Variants in IGSF10 observed in about 807,000 individuals in gnomAD.
IGSF10 encodes the protein immunoglobulin superfamily member 10.
Under a neutral mutation model 128.2 loss-of-function variants are expected in IGSF10, and 126 were observed. The observed-to-expected ratio is 0.98, with a 90% confidence interval of 0.85 to 1.14. The LOEUF (loss-of-function observed/expected upper bound fraction) is 1.14, where lower values mean the gene tolerates loss of function less well. Ranked by LOEUF, IGSF10 falls within the 50% of genes most tolerant of loss-of-function variation. The pLI, the probability that IGSF10 is intolerant of heterozygous loss-of-function variation, is 0.00. For missense variants in IGSF10, 3,295 were observed against 3,149.8 expected (o/e 1.05, Z -1.10); for synonymous variants, 1,185 against 1,146.2 (o/e 1.03, Z -0.68).
At chr3:151,615,596 C>A in the IGSF10 span, among the ~76,000 whole-genome samples, 1 of 151,824 alleles carries the variant, frequency 6.6e-6, no homozygotes, top group African/African-American at 2.4e-5. Context: ...CCTAACAGTG[C>A]GGAAGTAGGA....
chr3:151,438,929 A>T (rs547412730), intron 7 of IGSF10, among the ~76,000 whole-genome samples: 83 of 151,986 alleles, frequency 5.5e-4, no homozygotes, highest in Non-Finnish European at 1.1e-3. Context: ...CTGTTTTTGT[A>T]TGTGTGATTA....
chr3:151,467,688 T>G, the IGSF10 span, among the ~76,000 whole-genome samples: 1 of 151,984 alleles, frequency 6.6e-6, no homozygotes, highest in Non-Finnish European at 1.5e-5. Flanking sequence ...ATCGAGACCG[T>G]CCTGGCTAAC....
In IGSF10 at chr3:151,447,345, G is replaced by C; in HGVS notation, c.2636C>G (p.Ser879Ter). 6.2e-7 allele frequency: 1 copy of C among 1,614,174 alleles called. No individual in the cohort carries two copies. ...ATTGGTTGTGCCTTGTATTTGGCTT[G>C]ACATGGTTGGGTTTATATTCTTTGA... ...AMSKNINPTM[S>*]SQIQGTTNQH... Residue 879 changes from serine (S) to a stop codon, truncating the protein, a stop_gained, in exon 6 of 8, where the codon TCA becomes TGA. Coordinates refer to ENST00000282466, the MANE Select transcript of IGSF10 (RefSeq NM_178822.5). LOFTEE classifies it high-confidence loss of function.
chr3:151,493,067 C>G, the IGSF10 span, among the ~76,000 whole-genome samples: 10 of 151,826 alleles, frequency 6.6e-5, no homozygotes, highest in East Asian at 1.6e-3. Flanking sequence ...GACCCAGGAA[C>G]AGAAACAAAA....
downstream of IGSF10, chr3:151,433,224 A>C (rs1204200747): frequency 6.5e-6 from 1 of 154,706 alleles, no homozygotes; most frequent in Non-Finnish European, 1.4e-5. Flanking sequence ...GGACCAAACT[A>C]CTGATTTGAA....
At chr3:151,597,252 C>T in the IGSF10 span, among the ~76,000 whole-genome samples, 9 of 152,148 alleles carry the variant, frequency 5.9e-5, no homozygotes, top group Admixed American at 4.6e-4. Context: ...TTCTACTTCA[C>T]GGGTCTTATG....
At chr3:151,605,531 T>C in the IGSF10 span, among the ~76,000 whole-genome samples, 1 of 152,202 alleles carries the variant, frequency 6.6e-6, no homozygotes, top group Non-Finnish European at 1.5e-5. Context: ...AGGTGTAGAC[T>C]ATGGCTACGA....
the IGSF10 span, among the ~76,000 whole-genome samples, chr3:151,588,959 C>T: frequency 6.6e-6 from 1 of 151,944 alleles, no homozygotes; most frequent in Non-Finnish European, 1.5e-5. Flanking sequence ...TTTAGTATTT[C>T]TTTATAGCAA....
the IGSF10 span, among the ~76,000 whole-genome samples, chr3:151,577,985 A>G: frequency 6.6e-6 from 1 of 152,118 alleles, no homozygotes; most frequent in Admixed American, 6.6e-5. Flanking sequence ...AAGTCCATCT[A>G]TGTTGTCCCT....
the IGSF10 span, among the ~76,000 whole-genome samples, chr3:151,483,620 T>C: frequency 1.3e-5 from 2 of 152,224 alleles, no homozygotes; most frequent in East Asian, 3.9e-4. Context: ...ACCTAGGTCA[T>C]CTCACTGGGA....
downstream of IGSF10, chr3:151,436,027 C>T (rs1365667052): frequency 4.6e-5 from 7 of 152,062 alleles, no homozygotes; most frequent in Non-Finnish European, 1.0e-4. Flanking sequence ...TGTATTTGGA[C>T]AAAAATAACC....
the IGSF10 span, among the ~76,000 whole-genome samples, chr3:151,471,735 T>C: frequency 6.6e-6 from 1 of 152,220 alleles, no homozygotes; most frequent in East Asian, 1.9e-4. Flanking sequence ...TGCAGGTTGC[T>C]GTTGTTAAGA....
chr3:151,492,205 G>A, the IGSF10 span, among the ~76,000 whole-genome samples: 10 of 152,236 alleles, frequency 6.6e-5, no homozygotes, highest in Admixed American at 5.9e-4. Flanking sequence ...CAAAATACCT[G>A]AGCAGACATT....
At chr3:151,503,787 G>C in the IGSF10 span, among the ~76,000 whole-genome samples, 4 of 152,146 alleles carry the variant, frequency 2.6e-5, no homozygotes, top group Non-Finnish European at 1.5e-5. Context: ...GTTTTTTAAA[G>C]ATAGTTTGGC....
the IGSF10 span, among the ~76,000 whole-genome samples, chr3:151,545,577 G>C: frequency 6.6e-6 from 1 of 152,182 alleles, no homozygotes; most frequent in Admixed American, 6.5e-5. Context: ...AGTTTCCATA[G>C]GGAAAATTGG....
At chr3:151,463,522 G>GTTTTTTTTTTTTT (rs1553837055), upstream of IGSF10, among the ~76,000 whole-genome samples, 1 of 31,868 alleles carries the variant, frequency 3.1e-5, no homozygotes, top group Non-Finnish European at 6.6e-5. Flanking sequence ...TACATTTTCT[G>GTTTTTTTTTTTTT]GTTTTTTTTT....
chr3:151,465,636 C>G (rs1018219964), upstream of IGSF10, among the ~76,000 whole-genome samples: 1 of 152,118 alleles, frequency 6.6e-6, no homozygotes, highest in Non-Finnish European at 1.5e-5. Context: ...TGGGAAATGG[C>G]AAATGAGGCA....
At position 151,448,139 on chromosome 3, in the gene IGSF10, C is replaced by G. The variant is rs374148390; in HGVS notation, c.1842G>C (p.Val614=). 1 of 1,613,992 alleles carries G rather than the reference C, an allele frequency of 6.2e-7. No homozygotes were observed. The highest frequency in any genetic ancestry group is 8.5e-7 in the Non-Finnish European group (1 of 1,180,012). ...TCTTGTCTCTTGATGACTGATAGAG[C>G]ACATTGTTTCCTGGAATAACCCAGC... ...SISWVIPGNN[V]LYQSSRDKKV... The change falls in exon 6 of 8, where the codon GTG becomes GTC. Residue 614 remains valine, a synonymous_variant. Transcript: ENST00000282466.
At chr3:151,509,937 C>G in the IGSF10 span, among the ~76,000 whole-genome samples, 1 of 152,192 alleles carries the variant, frequency 6.6e-6, no homozygotes, top group Admixed American at 6.5e-5. Flanking sequence ...GAGGGGCACC[C>G]ACCATTGCTC....
Sources: allele counts gnomAD v4.1 joint callset (sites outside exome capture counted in the v4.1 genomes callset), GRCh38; gene constraint gnomAD v4.1.1; transcripts MANE v1.5; gene names NCBI Gene and HGNC (gene_info 2026-07-23, HGNC 2026-07-21).